ALK: variants seen among roughly 807,000 people sequenced by gnomAD.
ALK encodes ALK receptor tyrosine kinase.
A neutral mutation model predicts 163.1 loss-of-function variants in ALK; 74 were observed. The observed-to-expected ratio is 0.45, with a 90% CI of 0.38 to 0.55. The LOEUF is 0.55. Ranked by LOEUF, ALK falls within the 20% of genes least tolerant of loss-of-function variation. The pLI, the probability that ALK is intolerant of heterozygous loss-of-function variation, is 0.00. For synonymous variants in ALK, 960 were observed against 843.2 expected, an observed-to-expected ratio of 1.14 and a Z score of -2.40; for missense variants, 2,063 against 2,105.3, an observed-to-expected ratio of 0.98 and a Z score of 0.39.
chr2:29,758,093 C>T (rs779072756), intron 1 of ALK, among the ~76,000 whole-genome samples: 2 of 150,298 alleles, frequency 1.3e-5, no homozygotes, highest in Non-Finnish European at 2.9e-5. Context: ...TCACTGCAAC[C>T]TCTGCCTCTT....
intron 1 of ALK, among the ~76,000 whole-genome samples, chr2:29,825,480 G>A (rs764914682): frequency 5.3e-5 from 8 of 152,134 alleles, no homozygotes; most frequent in Middle Eastern, 3.2e-3. Flanking sequence ...AGGAATGAGA[G>A]ACCTTGGTAT....
chr2:29,427,037 C>CAAAAAA (rs70958261), intron 4 of ALK, among the ~76,000 whole-genome samples: 5 of 40,126 alleles, frequency 1.2e-4, no homozygotes, highest in East Asian at 1.1e-3. Context: ...GACTCCGTCT[C>CAAAAAA]AAAAAAAAAA....
intron 3 of ALK, among the ~76,000 whole-genome samples, chr2:29,672,008 A>G (rs1056586641): frequency 2.0e-5 from 3 of 151,632 alleles, no homozygotes; most frequent in Non-Finnish European, 2.9e-5. Flanking sequence ...ACTCTCCAAA[A>G]GTAATTGGCA....
chr2:29,826,318 G>A (rs536965723), intron 1 of ALK, among the ~76,000 whole-genome samples: 2 of 152,118 alleles, frequency 1.3e-5, no homozygotes, highest in Admixed American at 1.3e-4. Context: ...GCAAAAATAG[G>A]AAATACGTCT....
At chr2:29,394,937 T>C (rs1227096324) in intron 4 of ALK, among the ~76,000 whole-genome samples, 1 of 152,046 alleles carries the variant, frequency 6.6e-6, no homozygotes, top group East Asian at 1.9e-4. Flanking sequence ...AACTGAAATG[T>C]GGCCGTTTCT....
chr2:29,748,329 T>C (rs114775001), intron 1 of ALK, among the ~76,000 whole-genome samples: 1,670 of 152,306 alleles, frequency 0.011, 20 homozygotes, highest in Middle Eastern at 0.037. Context: ...CAAGGGTGTG[T>C]TGACTAAACT....
intron 3 of ALK, among the ~76,000 whole-genome samples, chr2:29,657,394 C>T (rs1677215796): frequency 6.6e-6 from 1 of 151,292 alleles, no homozygotes; most frequent in Non-Finnish European, 1.5e-5. Context: ...AAAATGGGGA[C>T]AGCATAGAAG....
chr2:29,636,918 T>C (rs1017692692), intron 3 of ALK, among the ~76,000 whole-genome samples: 2 of 152,152 alleles, frequency 1.3e-5, no homozygotes, highest in African/African-American at 4.8e-5. Context: ...TCAGAATGGC[T>C]ACAATAAAAA....
At chr2:29,797,392 T>C (rs1239046366) in intron 1 of ALK, among the ~76,000 whole-genome samples, 2 of 152,230 alleles carry the variant, frequency 1.3e-5, no homozygotes, top group Non-Finnish European at 2.9e-5. Flanking sequence ...AAGCATCCTC[T>C]AATCTTTGCC....
At chr2:29,216,994 GGT>G (rs540838127) in intron 23 of ALK, among the ~76,000 whole-genome samples, 1,670 of 144,598 alleles carry the variant, frequency 0.012, 14 homozygotes, top group Non-Finnish European at 0.017. Flanking sequence ...TGGCATGTGA[GGT>G]GTGTGTGGTG....
intron 26 of ALK, among the ~76,000 whole-genome samples, chr2:29,206,872 G>T (rs371831566): frequency 8.3e-6 from 1 of 120,104 alleles, no homozygotes; most frequent in African/African-American, 4.0e-5. Flanking sequence ...TTAATGTGTG[G>T]TCCCAGCCAG....
At chr2:29,723,258 TC>T (rs1488953561) in intron 1 of ALK, among the ~76,000 whole-genome samples, 2 of 152,136 alleles carry the variant, frequency 1.3e-5, no homozygotes, top group Non-Finnish European at 2.9e-5. Flanking sequence ...CCAAGCACAT[TC>T]CCACCCCAGG....
At chr2:29,756,475 C>T (rs1442012594) in intron 1 of ALK, among the ~76,000 whole-genome samples, 1 of 152,052 alleles carries the variant, frequency 6.6e-6, no homozygotes, top group Non-Finnish European at 1.5e-5. Flanking sequence ...ATAACTATTT[C>T]CATGACTCTG....
At chr2:29,472,730 T>C (rs1019279785) in intron 4 of ALK, among the ~76,000 whole-genome samples, 5 of 152,028 alleles carry the variant, frequency 3.3e-5, no homozygotes, top group African/African-American at 9.7e-5. Flanking sequence ...TAAATACTAG[T>C]CACAAAAGAA....
chr2:29,501,464 CT>C (rs1172916617), intron 4 of ALK, among the ~76,000 whole-genome samples: 1 of 152,212 alleles, frequency 6.6e-6, no homozygotes, highest in Non-Finnish European at 1.5e-5. Context: ...TGGTTTGCTG[CT>C]CCTGCAAATT....
chr2:29,831,021 GA>G (rs1665377704), intron 1 of ALK, among the ~76,000 whole-genome samples: 3 of 44,584 alleles, frequency 6.7e-5, no homozygotes, highest in Non-Finnish European at 1.0e-4. Flanking sequence ...AGGGGAAGAG[GA>G]AGGGGAAGGA....
intron 1 of ALK, among the ~76,000 whole-genome samples, chr2:29,866,023 TTTTTTG>T (rs2148409407): frequency 6.6e-6 from 1 of 152,114 alleles, no homozygotes; most frequent in East Asian, 1.9e-4. Context: ...TTCTTCAGTG[TTTTTTG>T]TTTTTGTTTT....
chr2:29,494,916 C>G (rs189029717), intron 4 of ALK, among the ~76,000 whole-genome samples: 2 of 151,794 alleles, frequency 1.3e-5, no homozygotes, highest in East Asian at 3.9e-4. Flanking sequence ...TAGTTCCTCA[C>G]TATTAGACCT....
chr2:29,403,164 G>C (rs374517875), intron 4 of ALK, among the ~76,000 whole-genome samples: 3 of 152,198 alleles, frequency 2.0e-5, no homozygotes, highest in Non-Finnish European at 4.4e-5. Context: ...AAGGTGGTAA[G>C]TGCTGAACAA....
Sources: allele counts gnomAD v4.1 joint callset (sites outside exome capture counted in the v4.1 genomes callset), GRCh38; gene constraint gnomAD v4.1.1; transcripts MANE v1.5; gene names NCBI Gene and HGNC (gene_info 2026-07-23, HGNC 2026-07-21).